Variants in HPSE2 observed in about 807,000 individuals in gnomAD.
HPSE2 encodes inactive heparanase-2.
HPSE2 carries 38 observed loss-of-function variants against 60.5 expected under a neutral mutation model. The observed-to-expected ratio is 0.63, with a 90% CI of 0.48 to 0.82. The LOEUF is 0.82. Ranked by LOEUF, HPSE2 falls within the 40% of genes least tolerant of loss-of-function variation. HPSE2 has a pLI of 0.00. For synonymous variants in HPSE2, 295 were observed against 293.2 expected (o/e 1.01, Z -0.06); for missense variants, 713 against 740.4 (o/e 0.96, Z 0.43).
chr10:98,712,604 T>C (rs1316717320), intron 5 of HPSE2, among the ~76,000 whole-genome samples: 1 of 152,160 alleles, frequency 6.6e-6, no homozygotes, highest in African/African-American at 2.4e-5. Flanking sequence ...TTTCTATTTG[T>C]GCTTTATTGA....
the HPSE2 span, among the ~76,000 whole-genome samples, chr10:99,267,717 T>C: frequency 1.5e-3 from 230 of 150,970 alleles, 1 homozygote; most frequent in Non-Finnish European, 2.4e-3. Flanking sequence ...GAGGCGGAGG[T>C]TGCAGTGAGC....
In HPSE2 at chr10:98,930,912, A is replaced by G. The variant is rs1013492594; in HGVS notation, c.611-186856T>C. Among the ~76,000 whole-genome samples, 2 of 144,132 alleles carry G rather than the reference A, an allele frequency of 1.4e-5. 1 individual carries two copies. The highest frequency in any genetic ancestry group is 5.6e-5 in the African/African-American group (2 of 35,580). 94.6% of individuals were successfully genotyped at this position (144,132 alleles called of 152,430 possible). A position where few individuals can be genotyped will look rare whatever the true frequency, so the allele number is the denominator to read the frequency against. ...GATTGCAAAAATTTCCTCCCATTCC[A>G]TAGGTTATCTGTTCACTCTGATGAT... On this transcript the variant is annotated intron_variant, in intron 3 of 11. Coordinates refer to ENST00000370552, the MANE Select transcript of HPSE2 (RefSeq NM_021828.5).
At chr10:98,524,418 G>A (rs1942897823) in intron 9 of HPSE2, among the ~76,000 whole-genome samples, 1 of 152,152 alleles carries the variant, frequency 6.6e-6, no homozygotes, top group Non-Finnish European at 1.5e-5. Flanking sequence ...GACTGTCCGA[G>A]AGGCCACACT....
chr10:98,541,856 C>A (rs11597154), intron 9 of HPSE2, among the ~76,000 whole-genome samples: 3 of 151,476 alleles, frequency 2.0e-5, no homozygotes, highest in Non-Finnish European at 4.4e-5. Context: ...TCAAGGAGGC[C>A]TGCCTGCCTC....
intron 3 of HPSE2, among the ~76,000 whole-genome samples, chr10:98,770,128 A>T (rs1164828209): frequency 6.6e-6 from 1 of 152,158 alleles, no homozygotes; most frequent in African/African-American, 2.4e-5. Context: ...TCCGCTTTTA[A>T]TTTTGTTGTG....
chr10:99,313,468 T>G, the HPSE2 span, among the ~76,000 whole-genome samples: 14 of 152,158 alleles, frequency 9.2e-5, no homozygotes, highest in South Asian at 4.1e-4. Context: ...GAAAGCTATT[T>G]CTTGAGATGA....
At chr10:99,202,268 T>C (rs573627085) in intron 2 of HPSE2, among the ~76,000 whole-genome samples, 1 of 152,186 alleles carries the variant, frequency 6.6e-6, no homozygotes, top group Non-Finnish European at 1.5e-5. Context: ...TCAGGCATCA[T>C]TATTTGATAC....
At chr10:98,899,290 G>A (rs1953590927) in intron 3 of HPSE2, among the ~76,000 whole-genome samples, 1 of 152,124 alleles carries the variant, frequency 6.6e-6, no homozygotes, top group Non-Finnish European at 1.5e-5. Context: ...CAAAAGCATA[G>A]TCTATTTTAA....
chr10:98,503,833 G>A (rs1489447418), intron 9 of HPSE2, among the ~76,000 whole-genome samples: 3 of 152,170 alleles, frequency 2.0e-5, no homozygotes, highest in African/African-American at 7.2e-5. Context: ...CATAAGTATG[G>A]TTCAGTGGAC....
At chr10:98,794,831 T>C (rs771941578) in intron 3 of HPSE2, among the ~76,000 whole-genome samples, 2 of 152,148 alleles carry the variant, frequency 1.3e-5, no homozygotes, top group Non-Finnish European at 2.9e-5. Context: ...GATCAATGTA[T>C]GTTTATGCTT....
At chr10:99,277,846 C>T in the HPSE2 span, among the ~76,000 whole-genome samples, 2 of 151,866 alleles carry the variant, frequency 1.3e-5, no homozygotes, top group East Asian at 3.9e-4. Context: ...GCCTGTAATC[C>T]CAGCACTTTG....
At chr10:98,637,655 C>T (rs1946531392) in intron 7 of HPSE2, among the ~76,000 whole-genome samples, 1 of 152,146 alleles carries the variant, frequency 6.6e-6, no homozygotes, top group Non-Finnish European at 1.5e-5. Flanking sequence ...GGGCCCAATA[C>T]CCTATTCAAA....
chr10:99,095,045 G>A (rs1589646827), intron 3 of HPSE2, among the ~76,000 whole-genome samples: 1 of 151,978 alleles, frequency 6.6e-6, no homozygotes, highest in East Asian at 1.9e-4. Flanking sequence ...AAAATTAGCT[G>A]AGTGTGGTGG....
At chr10:98,649,431 T>C (rs149718725) in intron 6 of HPSE2, among the ~76,000 whole-genome samples, 69 of 152,298 alleles carry the variant, frequency 4.5e-4, no homozygotes, top group African/African-American at 1.6e-3. Context: ...AGAGATCATA[T>C]AGGTACTAAG....
At chr10:99,174,622 G>A (rs1448537775) in intron 2 of HPSE2, among the ~76,000 whole-genome samples, 2 of 152,152 alleles carry the variant, frequency 1.3e-5, no homozygotes, top group East Asian at 3.9e-4. Context: ...TACCTGTCCA[G>A]TTTGTACTTA....
chr10:98,669,685 C>A (rs912894140), intron 6 of HPSE2, among the ~76,000 whole-genome samples: 4 of 152,174 alleles, frequency 2.6e-5, no homozygotes, highest in African/African-American at 9.7e-5. Context: ...TTTGAATACA[C>A]ATGGACATAA....
intron 9 of HPSE2, among the ~76,000 whole-genome samples, chr10:98,585,184 T>C (rs548659061): frequency 3.9e-5 from 6 of 152,244 alleles, no homozygotes; most frequent in Middle Eastern, 3.4e-3. Flanking sequence ...AGTCTTGGGT[T>C]AGATGCTACA....
At chr10:98,906,354 T>C (rs925230345) in intron 3 of HPSE2, among the ~76,000 whole-genome samples, 1 of 152,152 alleles carries the variant, frequency 6.6e-6, no homozygotes, top group Non-Finnish European at 1.5e-5. Flanking sequence ...GAAGAAACCA[T>C]GATATTAGGA....
At chr10:99,314,288 A>T in the HPSE2 span, among the ~76,000 whole-genome samples, 3 of 152,026 alleles carry the variant, frequency 2.0e-5, no homozygotes, top group African/African-American at 7.2e-5. Flanking sequence ...TCAGCTTCCC[A>T]GGTAGTTGGG....
Sources: gnomAD v4.1 joint callset for allele counts (sites outside exome capture counted in the v4.1 genomes callset) on GRCh38, gnomAD v4.1.1 for gene constraint, MANE v1.5 for transcripts, NCBI Gene and HGNC (gene_info 2026-07-23, HGNC 2026-07-21) for gene names.